NARS2: variants seen among roughly 807,000 people sequenced by gnomAD.
NARS2 encodes asparaginyl-tRNA synthetase.
Under a neutral mutation model 62.9 loss-of-function variants are expected in NARS2, and 60 were observed. The observed-to-expected ratio is 0.95, with a 90% CI of 0.77 to 1.18. The LOEUF (loss-of-function observed/expected upper bound fraction) is 1.18. Ranked by LOEUF, NARS2 falls within the 50% of genes most tolerant of loss-of-function variation. NARS2 has a pLI of 0.00. For synonymous variants in NARS2, 196 were observed against 200.0 expected, an observed-to-expected ratio of 0.98 and a Z score of 0.17; for missense variants, 619 against 576.4, an observed-to-expected ratio of 1.07 and a Z score of -0.76.
chr11:78,512,416 C>T (rs1490320060), intron 6 of NARS2, among the ~76,000 whole-genome samples: 1 of 152,200 alleles, frequency 6.6e-6, no homozygotes, highest in Non-Finnish European at 1.5e-5. Context: ...TCTCCAGGAC[C>T]CAGAGGCTCT....
intron 5 of NARS2, among the ~76,000 whole-genome samples, chr11:78,556,336 A>G (rs1162446913): frequency 6.6e-6 from 1 of 152,180 alleles, no homozygotes; most frequent in Non-Finnish European, 1.5e-5. Context: ...ATATCCTCAA[A>G]TGTATACATA....
At chr11:78,467,567 A>AATT (rs1565217245) in intron 10 of NARS2, among the ~76,000 whole-genome samples, 33 of 133,604 alleles carry the variant, frequency 2.5e-4, no homozygotes, top group African/African-American at 4.3e-4. Flanking sequence ...ATAAATAAAT[A>AATT]AATTAATTAA....
Position 78,436,762 on chromosome 11 carries a change from C to G in NARS2, c.1342G>C (p.Gly448Arg). Residue 448 changes from glycine (G) to arginine (R), a missense_variant, in exon 14 of 14, where the codon GGA becomes CGA. Coordinates refer to ENST00000281038, the MANE Select transcript of NARS2 (RefSeq NM_024678.6). ...ATGCACTGCAGGTAGCGTTCAAATC[C>G]CATCCCAAAACCTCCATGTGGCACA... The part of the protein sequence containing the change: ...GSVPHGGFGM[G>R]FERYLQCILG... 3 of 1,614,134 alleles carry G rather than the reference C, an allele frequency of 1.9e-6. No individual in the cohort carries two copies. Among genetic ancestry groups the G allele is most frequent in the Non-Finnish European group, 2.5e-6 (3 of 1,180,020 alleles).
At chr11:78,547,828 G>A (rs1222415289) in intron 5 of NARS2, among the ~76,000 whole-genome samples, 1 of 152,180 alleles carries the variant, frequency 6.6e-6, no homozygotes, top group African/African-American at 2.4e-5. Context: ...TCCAGGTAGT[G>A]TGGAGGACAC....
At chr11:78,436,954 C>A in intron 13 of NARS2, 140 bp from the exon 14 acceptor site, 1 of 783,490 alleles carries the variant, frequency 1.3e-6, no homozygotes, top group Non-Finnish European at 2.0e-6. Context: ...TTCCCCTCCA[C>A]AGACAGACAA....
At chr11:78,445,440 G>A (rs904875623) in intron 11 of NARS2, among the ~76,000 whole-genome samples, 3 of 152,174 alleles carry the variant, frequency 2.0e-5, no homozygotes, top group Non-Finnish European at 4.4e-5. Context: ...GGCCAACCTA[G>A]TGAAACCCCC....
intron 6 of NARS2, among the ~76,000 whole-genome samples, chr11:78,524,839 G>T (rs1444664744): frequency 2.0e-5 from 3 of 151,986 alleles, no homozygotes; most frequent in Non-Finnish European, 1.5e-5. Flanking sequence ...TTAGGACTAG[G>T]GAAGGGAAAA....
intron 5 of NARS2, among the ~76,000 whole-genome samples, chr11:78,543,209 C>T (rs1317060511): frequency 3.3e-5 from 5 of 152,162 alleles, no homozygotes; most frequent in Middle Eastern, 3.2e-3. Context: ...ATAAAGCATA[C>T]TCATATAAAA....
At chr11:78,531,799 G>A (rs1590821634) in intron 5 of NARS2, among the ~76,000 whole-genome samples, 1 of 152,162 alleles carries the variant, frequency 6.6e-6, no homozygotes, top group Admixed American at 6.5e-5. Flanking sequence ...GGCTATGTAT[G>A]ATTACATTTA....
At chr11:78,510,465 A>T (rs1860679243) in intron 6 of NARS2, among the ~76,000 whole-genome samples, 1 of 152,220 alleles carries the variant, frequency 6.6e-6, no homozygotes, top group Non-Finnish European at 1.5e-5. Flanking sequence ...GGACCATCAA[A>T]TATAAAGCAA....
At chr11:78,562,142 A>C (rs994917767) in intron 4 of NARS2, among the ~76,000 whole-genome samples, 1 of 152,232 alleles carries the variant, frequency 6.6e-6, no homozygotes, top group Non-Finnish European at 1.5e-5. Flanking sequence ...AATACTCCAC[A>C]TAGGCTGGGG....
intron 9 of NARS2, 35 bp from the exon 10 acceptor site, chr11:78,469,348 A>C: frequency 6.6e-7 from 1 of 1,505,072 alleles, no homozygotes; most frequent in East Asian, 2.3e-5. Context: ...GAGAAAAGTC[A>C]ATACAATGGA....
intron 10 of NARS2, among the ~76,000 whole-genome samples, chr11:78,467,405 C>T (rs932652568): frequency 6.6e-6 from 1 of 152,046 alleles, no homozygotes; most frequent in Admixed American, 6.5e-5. Flanking sequence ...GACCTGGTGG[C>T]ACGCACCTGT....
chr11:78,461,148 G>A (rs1858378737), intron 11 of NARS2, among the ~76,000 whole-genome samples: 2 of 152,158 alleles, frequency 1.3e-5, no homozygotes, highest in South Asian at 4.1e-4. Context: ...ACTGAGGGAC[G>A]AATGTATATG....
intron 11 of NARS2, among the ~76,000 whole-genome samples, chr11:78,460,702 A>C (rs1361533542): frequency 6.6e-6 from 1 of 152,178 alleles, no homozygotes; most frequent in Non-Finnish European, 1.5e-5. Context: ...ATTTGCTGGG[A>C]GGAGAGGAGA....
At chr11:78,546,316 C>T (rs1475477279) in intron 5 of NARS2, among the ~76,000 whole-genome samples, 1 of 152,114 alleles carries the variant, frequency 6.6e-6, no homozygotes, top group Admixed American at 6.6e-5. Flanking sequence ...TGGCTTCCCC[C>T]GGAGCCATTC....
chr11:78,481,906 T>G (rs1859371354), intron 7 of NARS2, among the ~76,000 whole-genome samples: 1 of 152,160 alleles, frequency 6.6e-6, no homozygotes. Context: ...CACAATTAAC[T>G]AAATCATTCA....
intron 9 of NARS2, among the ~76,000 whole-genome samples, chr11:78,470,238 C>A (rs1858810297): frequency 6.6e-6 from 1 of 152,144 alleles, no homozygotes; most frequent in African/African-American, 2.4e-5. Flanking sequence ...ATGAGACACC[C>A]TCATGCCTAA....
intron 6 of NARS2, among the ~76,000 whole-genome samples, chr11:78,497,277 A>ACTTTCTCC (rs1860101115): frequency 6.7e-6 from 1 of 149,646 alleles, no homozygotes; most frequent in Non-Finnish European, 1.5e-5. Flanking sequence ...TACAAAGTTC[A>ACTTTCTCC]CTTTCTCCCG....
Sources: allele counts gnomAD v4.1 joint callset (sites outside exome capture counted in the v4.1 genomes callset), GRCh38; gene constraint gnomAD v4.1.1; transcripts MANE v1.5; gene names NCBI Gene and HGNC (gene_info 2026-07-23, HGNC 2026-07-21).